Variants in PRRC2B observed in about 807,000 individuals in gnomAD.
PRRC2B encodes the protein proline rich coiled-coil 2B.
Under a neutral mutation model 242.3 loss-of-function variants are expected in PRRC2B, and 68 were observed. That is an observed-to-expected ratio of 0.28 (90% CI 0.23 to 0.34). The LOEUF is 0.34. PRRC2B is among the 10% of genes least tolerant of loss of function. The pLI, the probability that PRRC2B is intolerant of heterozygous loss-of-function variation, is 1.00. For missense variants in PRRC2B, 2,835 were observed against 2,954.8 expected (o/e 0.96, Z 0.94); for synonymous variants, 1,228 against 1,173.6 (o/e 1.05, Z -0.95).
chr9:131,389,930 T>TG (rs1378854997), upstream of PRRC2B, among the ~76,000 whole-genome samples: 2 of 141,596 alleles, frequency 1.4e-5, no homozygotes, highest in Non-Finnish European at 3.1e-5. Context: ...TTTTTTTGTT[T>TG]TTTTTTTTTT....
chr9:131,496,271 A>G lies in PRRC2B; in HGVS notation c.*397A>G. 5.7e-6 allele frequency: 1 copy of G among 174,476 alleles called. No homozygotes were observed. Among genetic ancestry groups the G allele is most frequent in the Non-Finnish European group, 1.2e-5 (1 of 83,150 alleles). The allele number at this position is 174,476 out of a possible 1,614,324, so 10.8% of individuals were successfully genotyped here. The stretch of plus-strand genomic sequence containing the variant: ...GGCACAGTGATTTGGCAGCAGGGTC[A>G]TTTTACTTTGAGGCTTTTTGTTTTA... On this transcript the variant is annotated 3_prime_UTR_variant, in exon 32 of 32. Coordinates refer to ENST00000683519, the MANE Select transcript of PRRC2B (RefSeq NM_013318.4).
At position 131,474,505 on chromosome 9, in the gene PRRC2B, T is replaced by C. The variant is rs2131444489; in HGVS notation, c.2376T>C (p.Ala792=). Residue 792 remains alanine (A), a synonymous_variant, in exon 16 of 32, where the codon GCT becomes GCC. Transcript: ENST00000683519. The stretch of plus-strand genomic sequence containing the variant: ...TCGGAAGGGCAGGGGGCGTAAGTGC[T>C]CAGCGCGATCTCTTTGAGGAGAGAG... ...ASLGRAGGVS[A]QRDLFEERGE... 1 of 1,614,028 alleles carries C rather than the reference T, an allele frequency of 6.2e-7. No individual in the cohort carries two copies. Among genetic ancestry groups the C allele is most frequent in the Non-Finnish European group, 8.5e-7 (1 of 1,179,906 alleles).
Position 131,474,910 on chromosome 9 carries a change from C to G in PRRC2B, c.2781C>G (p.Ser927Arg). 1.9e-6 allele frequency: 3 copies of G among 1,594,968 alleles called. No individual in the cohort carries two copies. The highest frequency in any genetic ancestry group is 2.3e-5 in the South Asian group (2 of 88,364). The change falls in exon 16 of 32, where the codon AGC (serine) becomes AGG (arginine). Residue 927 changes from serine (S) to arginine (R), a missense_variant. Transcript: ENST00000683519. The part of the protein sequence containing the change: ...EWTPEPRSSS[S>R]QHPEQTGRTR... Reference sequence around the variant, plus strand: ...CTCCCGAGCCCCGGAGCTCCAGCAGCCAGCACCCGGAGCAGACGGGCAGGA... The same window carrying G: ...CTCCCGAGCCCCGGAGCTCCAGCAGGCAGCACCCGGAGCAGACGGGCAGGA...
intron 1 of PRRC2B, among the ~76,000 whole-genome samples, chr9:131,383,514 G>C (rs1277893329): frequency 6.6e-6 from 1 of 151,986 alleles, no homozygotes; most frequent in East Asian, 1.9e-4. Context: ...AGCTTAGGCT[G>C]TGTCTGGCAG....
chr9:131,432,670 A>G lies in PRRC2B; in HGVS notation c.169A>G (p.Met57Val), dbSNP rs1202456617. 1.2e-6 allele frequency: 2 copies of G among 1,613,848 alleles called. No homozygotes were observed. Among genetic ancestry groups the G allele is most frequent in the Non-Finnish European group, 1.7e-6 (2 of 1,179,870 alleles). ...SLGKVAAARR[M>V]PPPANLPSLK... Reference sequence around the variant, plus strand: ...TGGGAAAGTTGCTGCAGCCCGGCGCATGCCACCGCCTGCAAACCTGCCAAG... The same window carrying G: ...TGGGAAAGTTGCTGCAGCCCGGCGCGTGCCACCGCCTGCAAACCTGCCAAG... Residue 57 changes from methionine to valine, a missense_variant, in exon 3 of 32, where the codon ATG becomes GTG. Coordinates refer to ENST00000683519, the MANE Select transcript of PRRC2B (RefSeq NM_013318.4).
In PRRC2B at chr9:131,447,930, A is replaced by C. The variant is rs141370042; in HGVS notation, c.1120+126A>C. The C allele has an allele frequency of 4.1e-5, 42 of 1,027,344 alleles. No individual in the cohort carries two copies. In the African/African-American group the frequency reaches 6.2e-4, roughly 15 times the overall value. The allele number at this position is 1,027,344 out of a possible 1,614,324, so 63.6% of individuals were successfully genotyped here. A position where few individuals can be genotyped will look rare whatever the true frequency, so the allele number is the denominator to read the frequency against. On this transcript the variant is annotated intron_variant, in intron 9 of 31. Coordinates refer to ENST00000683519, the MANE Select transcript of PRRC2B (RefSeq NM_013318.4). ...GCAAGATAGGGATGAAGAGCCGGACAGGGAAGCAGACCTGATGCCCTCCTT... is the reference window on the plus strand; with the variant it reads ...GCAAGATAGGGATGAAGAGCCGGACCGGGAAGCAGACCTGATGCCCTCCTT...
Position 131,446,348 on chromosome 9 carries a change from C to T in PRRC2B, c.614-53C>T, listed in dbSNP as rs1055465643. The T allele has an allele frequency of 2.5e-6, 4 of 1,597,878 alleles. No individual in the cohort carries two copies. The highest frequency in any genetic ancestry group is 2.2e-5 in the East Asian group (1 of 44,694). On this transcript the variant is annotated intron_variant, in intron 6 of 31. Coordinates refer to ENST00000683519, the MANE Select transcript of PRRC2B (RefSeq NM_013318.4). The surrounding 1 kb of genome is among the most constrained non-coding windows in gnomAD (Gnocchi z 4.1). ...CTTGACCTTCAGAACCTCATACGAT[C>T]CCTCCTTCCCCCTCCTCTTCCCTCT...
chr9:131,440,835 G>GACATGGTGACTC (rs71372732), intron 5 of PRRC2B, among the ~76,000 whole-genome samples: 149,492 of 152,242 alleles, frequency 0.98, 73,441 homozygotes, highest in South Asian at 1. Flanking sequence ...GTGAGGGCTG[G>GACATGGTGACTC]ACACCTGTAA....
intron 1 of PRRC2B, among the ~76,000 whole-genome samples, chr9:131,401,513 C>T (rs909791219): frequency 6.6e-5 from 10 of 151,824 alleles, no homozygotes; most frequent in Non-Finnish European, 1.2e-4. Flanking sequence ...CCACACCCAG[C>T]TAATTTTTGT....
intron 26 of PRRC2B, 124 bp downstream of exon 26, chr9:131,486,306 A>T: frequency 1.2e-6 from 1 of 845,598 alleles, no homozygotes; most frequent in Non-Finnish European, 1.8e-6. Context: ...ACATGTGGTG[A>T]CCAGCACCTG....
chr9:131,491,801 C>A (rs766964756), intron 29 of PRRC2B, among the ~76,000 whole-genome samples: 1 of 152,200 alleles, frequency 6.6e-6, no homozygotes, highest in Non-Finnish European at 1.5e-5. Context: ...CTCCCCAGCT[C>A]CCCAGGAGGC....
chr9:131,376,508 A>G (rs2131260976), intron 1 of PRRC2B, among the ~76,000 whole-genome samples: 1 of 152,104 alleles, frequency 6.6e-6, no homozygotes, highest in South Asian at 2.1e-4. Context: ...ACACCACTGG[A>G]CTACAATTCC....
Position 131,478,044 on chromosome 9 carries a change from C to A in PRRC2B, c.4612+95C>A, listed in dbSNP as rs184823879. ...CCCGAGTTTGCCCTTGCACTGAGTA[C>A]CTTAGCTTTCGGAACAGCTCGGCCA... is the stretch of plus-strand genomic sequence containing the variant. On this transcript the variant is annotated intron_variant, in intron 17 of 31. Transcript: ENST00000683519. 8.0e-6 allele frequency: 9 copies of A among 1,123,734 alleles called. No homozygotes were observed. The African/African-American group carries it at 1.1e-4, about 13-fold the overall frequency. The allele number at this position is 1,123,734 out of a possible 1,614,324, so 69.6% of individuals were successfully genotyped here.
chr9:131,396,325 C>CTTTTCT (rs1353904778), intron 1 of PRRC2B, among the ~76,000 whole-genome samples: 1 of 132,950 alleles, frequency 7.5e-6, no homozygotes, highest in African/African-American at 3.0e-5. Context: ...CTTTTCTTTT[C>CTTTTCT]TTTTTTTTTT....
rs1008639144 is a variant in PRRC2B, at chr9:131,492,090, C to G, written c.6382-79C>G. The stretch of plus-strand genomic sequence containing the variant: ...TTCCCATGGCCCTCACCACCTCTGC[C>G]CTGGGTTGTTCAGTAAGTGTGTGGT... On this transcript the variant is annotated intron_variant, in intron 29 of 31. Transcript: ENST00000683519. The G allele has an allele frequency of 1.1e-5, 12 of 1,142,288 alleles. No homozygotes were observed. In the African/African-American group the frequency reaches 1.8e-4, roughly 17 times the overall value. The allele number at this position is 1,142,288 out of a possible 1,614,324, so 70.8% of individuals were successfully genotyped here. A position where few individuals can be genotyped will look rare whatever the true frequency, so the allele number is the denominator to read the frequency against.
chr9:131,441,138 A>G (rs1838556712), intron 5 of PRRC2B, among the ~76,000 whole-genome samples: 1 of 152,198 alleles, frequency 6.6e-6, no homozygotes, highest in South Asian at 2.1e-4. Context: ...GAGAAAAAAT[A>G]CACTTCTAAA....
exon 1 of PRRC2B, chr9:131,373,706 G>A (rs1420089252): frequency 6.6e-6 from 1 of 152,298 alleles, no homozygotes; most frequent in Non-Finnish European, 1.5e-5. Flanking sequence ...GGTGGGTGCT[G>A]AAGGCGGAGG....
chr9:131,478,631 AGGG>A lies in PRRC2B; in HGVS notation c.4758+13_4758+15del. 1 of 200,894 alleles carries A rather than the reference AGGG, an allele frequency of 5.0e-6. No homozygotes were observed. Among genetic ancestry groups the A allele is most frequent in the Non-Finnish European group, 9.1e-6 (1 of 110,444 alleles). The allele number at this position is 200,894 out of a possible 1,614,324, so 12.4% of individuals were successfully genotyped here. A position where few individuals can be genotyped will look rare whatever the true frequency, so the allele number is the denominator to read the frequency against. ...AGCAGGCCGTGCAGGTGAGGGGCGGAGGGTGGGGGGGCATGGGGCTGGAGGGCA... is the reference window on the plus strand; with the variant it reads ...AGCAGGCCGTGCAGGTGAGGGGCGGATGGGGGGGCATGGGGCTGGAGGGCA... On this transcript the variant is annotated intron_variant, in intron 18 of 31. Transcript: ENST00000683519.
chr9:131,379,769 G>A (rs537878799), intron 1 of PRRC2B, among the ~76,000 whole-genome samples: 1 of 151,232 alleles, frequency 6.6e-6, no homozygotes, highest in Admixed American at 6.6e-5. Context: ...GGGATTACAG[G>A]CACACGCCAC....
Sources: gnomAD v4.1 joint callset for allele counts (sites outside exome capture counted in the v4.1 genomes callset) on GRCh38, gnomAD v4.1.1 for gene constraint, Gnocchi (gnomAD v3.1) non-coding constraint, MANE v1.5 for transcripts, NCBI Gene and HGNC (gene_info 2026-07-23, HGNC 2026-07-21) for gene names.